DENND1B: variants seen among roughly 807,000 people sequenced by gnomAD.
DENND1B encodes the protein DENN domain containing 1B, also known as DENN domain-containing protein 1B.
In DENND1B, 59 loss-of-function variants were observed where a neutral mutation model predicts 90.1. The ratio of observed to expected loss-of-function variants is 0.65; its 90% CI spans 0.53 to 0.81. The LOEUF (loss-of-function observed/expected upper bound fraction) is 0.81, where lower values mean the gene tolerates loss of function less well. Ranked by LOEUF, DENND1B falls within the 40% of genes least tolerant of loss-of-function variation. The pLI is 0.00. For missense variants in DENND1B, 862 were observed against 912.6 expected, an observed-to-expected ratio of 0.94 and a Z score of 0.71; for synonymous variants, 337 against 324.6, an observed-to-expected ratio of 1.04 and a Z score of -0.41.
At chr1:197,619,642 G>C (rs545167954) in intron 10 of DENND1B, among the ~76,000 whole-genome samples, 67 of 151,078 alleles carry the variant, frequency 4.4e-4, no homozygotes, top group African/African-American at 1.6e-3. Flanking sequence ...TATTTCACTG[G>C]GCAATTTATT....
intron 10 of DENND1B, among the ~76,000 whole-genome samples, chr1:197,618,947 T>C (rs1235671678): frequency 6.6e-6 from 1 of 151,234 alleles, no homozygotes; most frequent in Non-Finnish European, 1.5e-5. Context: ...AAGTGCAAAA[T>C]AGATCCATTA....
intron 15 of DENND1B, 25 bp downstream of exon 15, chr1:197,583,127 G>A (rs762303787): frequency 6.2e-7 from 1 of 1,600,716 alleles, no homozygotes; most frequent in South Asian, 1.1e-5. Context: ...TCTTACAAAA[G>A]AAAAATGTGG....
intron 14 of DENND1B, among the ~76,000 whole-genome samples, chr1:197,591,926 C>T (rs561830970): frequency 1.3e-4 from 20 of 151,660 alleles, no homozygotes; most frequent in African/African-American, 3.4e-4. Context: ...CTGGCTAACG[C>T]GGCAAAACCC....
chr1:197,603,861 T>G (rs765228960), intron 13 of DENND1B, among the ~76,000 whole-genome samples: 32 of 151,330 alleles, frequency 2.1e-4, no homozygotes, highest in Non-Finnish European at 2.2e-4. Context: ...GTTTTAATAC[T>G]GCATTTTCAT....
At chr1:197,557,454 C>T (rs1671806784) in intron 15 of DENND1B, among the ~76,000 whole-genome samples, 1 of 151,842 alleles carries the variant, frequency 6.6e-6, no homozygotes. Context: ...AAACTATTTA[C>T]TGATTATGCA....
intron 10 of DENND1B, among the ~76,000 whole-genome samples, chr1:197,619,505 G>A (rs1677955718): frequency 6.6e-6 from 1 of 151,184 alleles, no homozygotes; most frequent in East Asian, 2.0e-4. Context: ...TTTTTAAACA[G>A]CTCATTTAAA....
intron 5 of DENND1B, among the ~76,000 whole-genome samples, chr1:197,669,114 T>C (rs1655232013): frequency 6.6e-6 from 1 of 152,182 alleles, no homozygotes; most frequent in African/African-American, 2.4e-5. Context: ...CCCTTTCTTA[T>C]AGTGGTTGTA....
chr1:197,608,461 T>C (rs905827192), intron 12 of DENND1B, among the ~76,000 whole-genome samples: 12 of 150,746 alleles, frequency 8.0e-5, no homozygotes, highest in Non-Finnish European at 1.5e-4. Flanking sequence ...TTCACATATA[T>C]GCAAAAAGCT....
intron 14 of DENND1B, among the ~76,000 whole-genome samples, chr1:197,591,399 G>A (rs1675191049): frequency 6.6e-6 from 1 of 152,100 alleles, no homozygotes; most frequent in African/African-American, 2.4e-5. Flanking sequence ...AACAGAAGAA[G>A]TATATTCTTA....
intron 2 of DENND1B, chr1:197,746,654 G>GCTAT: frequency 1.4e-6 from 1 of 691,312 alleles, no homozygotes; most frequent in South Asian, 1.6e-5. Flanking sequence ...TTGTTCTAGT[G>GCTAT]CTATCAATTT....
intron 5 of DENND1B, among the ~76,000 whole-genome samples, chr1:197,663,897 A>G (rs1654666311): frequency 6.6e-6 from 1 of 152,092 alleles, no homozygotes; most frequent in South Asian, 2.1e-4. Context: ...GATCCAGGGT[A>G]TACAAAGTAG....
At chr1:197,722,063 T>A (rs1204402110) in intron 2 of DENND1B, among the ~76,000 whole-genome samples, 1 of 152,146 alleles carries the variant, frequency 6.6e-6, no homozygotes, top group African/African-American at 2.4e-5. Flanking sequence ...AACTCAGACA[T>A]GTGAGAAAAT....
intron 2 of DENND1B, among the ~76,000 whole-genome samples, chr1:197,742,924 C>A (rs979285999): frequency 9.2e-5 from 14 of 152,076 alleles, no homozygotes; most frequent in African/African-American, 3.4e-4. Flanking sequence ...AACCAAGAGA[C>A]AGAACAAGCA....
At chr1:197,576,947 C>T (rs1157174676) in intron 15 of DENND1B, among the ~76,000 whole-genome samples, 2 of 151,954 alleles carry the variant, frequency 1.3e-5, no homozygotes, top group Non-Finnish European at 2.9e-5. Context: ...TAACAGTAAT[C>T]TAGATTATCA....
At chr1:197,781,098 C>T in the DENND1B span, among the ~76,000 whole-genome samples, 16 of 152,012 alleles carry the variant, frequency 1.1e-4, no homozygotes, top group Admixed American at 2.6e-4. Context: ...CTTCTGAATG[C>T]GAAATAATAA....
intron 20 of DENND1B, among the ~76,000 whole-genome samples, chr1:197,525,410 T>C (rs1265618837): frequency 6.6e-6 from 1 of 152,124 alleles, no homozygotes; most frequent in Non-Finnish European, 1.5e-5. Context: ...AACCCTTTGA[T>C]AAATGGTAAG....
At chr1:197,696,505 C>T (rs1658446200) in intron 3 of DENND1B, among the ~76,000 whole-genome samples, 2 of 151,458 alleles carry the variant, frequency 1.3e-5, no homozygotes, top group Non-Finnish European at 1.5e-5. Flanking sequence ...AAGTCAGGTA[C>T]TATCATGAAC....
intron 11 of DENND1B, among the ~76,000 whole-genome samples, chr1:197,614,762 T>C (rs943514199): frequency 2.7e-5 from 4 of 150,678 alleles, no homozygotes; most frequent in African/African-American, 9.7e-5. Context: ...AGAAAAAAAA[T>C]ACCTATTCTC....
chr1:197,731,668 C>G (rs1000526772), intron 2 of DENND1B, among the ~76,000 whole-genome samples: 2 of 152,160 alleles, frequency 1.3e-5, no homozygotes, highest in African/African-American at 4.8e-5. Flanking sequence ...AGAATCATCT[C>G]AGGCCCCACA....
Sources: allele counts gnomAD v4.1 joint callset (sites outside exome capture counted in the v4.1 genomes callset), GRCh38; gene constraint gnomAD v4.1.1; transcripts MANE v1.5; gene names NCBI Gene and HGNC (gene_info 2026-07-23, HGNC 2026-07-21).